TAF9: variants seen among roughly 807,000 people sequenced by gnomAD.
TAF9 encodes the protein TATA-box binding protein associated factor 9, also known as transcription initiation factor TFIID subunit 9.
TAF9 carries 10 observed loss-of-function variants against 16.5 expected under a neutral mutation model. The observed-to-expected ratio is 0.61, with a 90% CI of 0.37 to 1.03. TAF9 has a LOEUF of 1.03. Ranked by LOEUF, TAF9 falls within the 50% of genes least tolerant of loss-of-function variation. The pLI is 0.01. For synonymous variants in TAF9, 105 were observed against 120.5 expected, an observed-to-expected ratio of 0.87 and a Z score of 0.84; for missense variants, 288 against 319.1, an observed-to-expected ratio of 0.90 and a Z score of 0.74.
chr5:69,369,353 C>A (rs1762737706), intron 1 of TAF9, 110 bp downstream of exon 1: 2 of 1,251,146 alleles, frequency 1.6e-6, no homozygotes, highest in Non-Finnish European at 1.1e-6. Context: ...TGGCCCTCGG[C>A]CGGCCTCTGA....
upstream of TAF9, chr5:69,369,649 C>G (rs1416700213): frequency 1.3e-6 from 2 of 1,561,006 alleles, no homozygotes; most frequent in East Asian, 2.4e-5. Context: ...CCGCGGCCCA[C>G]TGGTTACCTG....
Position 69,365,496 on chromosome 5 carries a change from T to G in TAF9, c.242A>C (p.Gln81Pro). ...TCTTGGGGGAGGAGAGGTAAAAGAC[T>G]GATCAGCGCGGCACTGGATTGCCAA... ...VRLAIQCRADQSFTSPPPRDF... is the reference protein window; with the variant it reads ...VRLAIQCRADPSFTSPPPRDF... The change falls in exon 3 of 3, where the codon CAG becomes CCG. Residue 81 changes from glutamine to proline, a missense_variant. Gln to Pro is a moderately conservative substitution (Grantham distance 76, BLOSUM62 -1). Coordinates refer to ENST00000217893, the MANE Select transcript of TAF9 (RefSeq NM_003187.5). The G allele has an allele frequency of 6.2e-7, 1 of 1,614,108 alleles. No homozygotes were observed. The highest frequency in any genetic ancestry group is 8.5e-7 in the Non-Finnish European group (1 of 1,179,984).
intron 1 of TAF9, 169 bp downstream of exon 1, chr5:69,369,294 C>T (rs954118188): frequency 2.6e-5 from 16 of 614,572 alleles, no homozygotes; most frequent in Non-Finnish European, 3.8e-5. Flanking sequence ...TCCCTCGCCT[C>T]CCGCAACGCC....
rs1175507102 is a variant in TAF9, at chr5:69,365,473, T to C, written c.265A>G (p.Arg89Gly). ...CTTGCAATATCTAATAAAAAATCTC[T>C]TGGGGGAGGAGAGGTAAAAGACTGA... is the stretch of plus-strand genomic sequence containing the variant. ...ADQSFTSPPP[R>G]DFLLDIARQR... Residue 89 changes from arginine to glycine, a missense_variant, in exon 3 of 3, where the codon AGA (arginine) becomes GGA (glycine). Transcript: ENST00000217893. 3.1e-6 allele frequency: 5 copies of C among 1,614,154 alleles called. No homozygotes were observed. Among genetic ancestry groups the C allele is most frequent in the Non-Finnish European group, 4.2e-6 (5 of 1,180,024 alleles).
rs771375480 is a variant in TAF9 at position 69,366,583 on chromosome 5, A to T, written c.-98T>A. 1 of 1,612,830 alleles carries T rather than the reference A, an allele frequency of 6.2e-7. No individual in the cohort carries two copies. Among genetic ancestry groups the T allele is most frequent in the Non-Finnish European group, 8.5e-7 (1 of 1,179,550 alleles). On this transcript the variant is annotated 5_prime_UTR_variant, in exon 2 of 3. The change creates a new upstream start codon in the 5' untranslated region. Transcript: ENST00000217893. ...TTCTTTGCCTAGTGTGGTTTTTCCA[A>T]CCCCTGGTGTACCTGTAAGACAAGC...
rs767022180 is a variant in TAF9, at chr5:69,364,961, ATCATCATCATCATCG to A, written c.762_776del (p.Asp256_Asp260del). The A allele has an allele frequency of 3.4e-5, 54 of 1,599,580 alleles. No homozygotes were observed. Among genetic ancestry groups the A allele is most frequent in the Non-Finnish European group, 4.3e-5 (50 of 1,170,570 alleles). On this transcript the variant is annotated inframe_deletion, in exon 3 of 3. Coordinates refer to ENST00000217893, the MANE Select transcript of TAF9 (RefSeq NM_003187.5). ...GGCTAGATTACAGATTATCATAGTC[ATCATCATCATCATCG>A]TCATCATCATCATCTTCACGTTTTC...
Position 69,365,535 on chromosome 5 carries a change from G to A in TAF9, c.203C>T (p.Ala68Val). 6.2e-7 allele frequency: 1 copy of A among 1,613,856 alleles called. No homozygotes were observed. The highest frequency in any genetic ancestry group is 8.5e-7 in the Non-Finnish European group (1 of 1,179,848). ...CTGGATTGCCAATCGCACATCATCT[G>A]CATCAACAGTAGCTTTCTTAGCATG... ...SSHAKKATVDADDVRLAIQCR... is the reference protein window; with the variant it reads ...SSHAKKATVDVDDVRLAIQCR... Residue 68 changes from alanine to valine, a missense_variant, in exon 3 of 3, where the codon GCA becomes GTA. By Grantham distance (64) the Ala-to-Val change is moderately conservative. Coordinates refer to ENST00000217893, the MANE Select transcript of TAF9 (RefSeq NM_003187.5).
rs34070239 is a variant in TAF9 at position 69,367,504 on chromosome 5, C to CAAAA, written c.-110-913_-110-910dup. ...CAGCCTGGCGACAGAGACTCCATCT[C>CAAAA]AAAAAAAAAAAAAAAAAAATTAGCC... On this transcript the variant is annotated intron_variant, in intron 1 of 2. Transcript: ENST00000217893. 2.0e-4 allele frequency among the ~76,000 whole-genome samples: 19 copies of CAAAA among 94,006 alleles called. 1 individual carries two copies. The East Asian group carries it at 2.5e-3, about 13-fold the overall frequency. 61.7% of individuals were successfully genotyped at this position (94,006 alleles called of 152,430 possible).
At chr5:69,369,242 C>CCCCCCCCCCCCCCCCA in intron 1 of TAF9, 2 of 252,652 alleles carry the variant, frequency 7.9e-6, no homozygotes, top group South Asian at 1.2e-4. Context: ...CCCCGCCCCC[C>CCCCCCCCCCCCCCCCA]CCCGGAGCCT....
upstream of TAF9, chr5:69,369,710 G>C (rs1171434198): frequency 2.6e-6 from 4 of 1,551,316 alleles, no homozygotes; most frequent in Non-Finnish European, 3.5e-6. Flanking sequence ...GCATAACTCG[G>C]GTCGGTACTT....
At chr5:69,369,757 C>G, upstream of TAF9, 2 of 1,493,428 alleles carry the variant, frequency 1.3e-6, no homozygotes, top group South Asian at 1.2e-5. Context: ...AAGTCACACA[C>G]TCCTTCGGTG....
chr5:69,367,923 GGGA>G (rs1762545559), intron 1 of TAF9: 1 of 152,206 alleles, frequency 6.6e-6, no homozygotes, highest in African/African-American at 2.4e-5. Flanking sequence ...CCAGCAATTT[GGGA>G]GGAGAAGGCG....
rs753929674 is a variant in TAF9 at position 69,365,755 on chromosome 5, C to A, written c.-17-1G>T. 3.3e-6 allele frequency: 5 copies of A among 1,503,306 alleles called. No homozygotes were observed. The East Asian group carries it at 1.1e-4, about 34-fold the overall frequency. 93.1% of individuals were successfully genotyped at this position (1,503,306 alleles called of 1,614,324 possible). Reference sequence around the variant, plus strand: ...GACTCCATGATATCCGATGATCAGACTTTAGATCATTTGAAAAAAATATGT... The same window carrying A: ...GACTCCATGATATCCGATGATCAGAATTTAGATCATTTGAAAAAAATATGT... On this transcript the variant is annotated splice_acceptor_variant, in intron 2 of 2. Transcript: ENST00000217893. LOFTEE classifies it low-confidence loss of function (5UTR_SPLICE).
At chr5:69,369,715 G>C (rs758535619), upstream of TAF9, 1 of 1,550,846 alleles carries the variant, frequency 6.4e-7, no homozygotes, top group African/African-American at 1.4e-5. Flanking sequence ...ACTCGGGTCG[G>C]TACTTCGGGT....
upstream of TAF9, chr5:69,369,709 G>A (rs1427926433): frequency 1.9e-6 from 3 of 1,551,608 alleles, no homozygotes; most frequent in Non-Finnish European, 2.6e-6. Flanking sequence ...GGCATAACTC[G>A]GGTCGGTACT....
intron 1 of TAF9, chr5:69,369,242 C>CCCCCCCCCCCCCCCCCCCCCCCCCA: frequency 4.0e-6 from 1 of 252,652 alleles, no homozygotes; most frequent in Non-Finnish European, 7.4e-6. Flanking sequence ...CCCCGCCCCC[C>CCCCCCCCCCCCCCCCCCCCCCCCCA]CCCGGAGCCT....
At chr5:69,369,402 C>G in intron 1 of TAF9, 61 bp downstream of exon 1, 1 of 1,591,316 alleles carries the variant, frequency 6.3e-7, no homozygotes, top group Non-Finnish European at 8.6e-7. Flanking sequence ...CGCCCGATGC[C>G]CAGAGCACTC....
At chr5:69,366,699 G>A (rs994926775) in intron 1 of TAF9, 104 bp from the exon 2 acceptor site, 5 of 805,616 alleles carry the variant, frequency 6.2e-6, no homozygotes, top group African/African-American at 5.2e-5. Flanking sequence ...GTCTCACCTG[G>A]CCTCTGCCCT....
Position 69,365,462 on chromosome 5 carries a change from T to C in TAF9, c.276A>G (p.Leu92=). Residue 92 remains leucine, a synonymous_variant, in exon 3 of 3, where the codon TTA becomes TTG. Transcript: ENST00000217893. Reference sequence around the variant, plus strand: ...GATTTCTTTGCCTTGCAATATCTAATAAAAAATCTCTTGGGGGAGGAGAGG... The same window carrying C: ...GATTTCTTTGCCTTGCAATATCTAACAAAAAATCTCTTGGGGGAGGAGAGG... ...SFTSPPPRDF[L]LDIARQRNQT... The C allele has an allele frequency of 1.2e-6, 2 of 1,614,170 alleles. No homozygotes were observed. Among genetic ancestry groups the C allele is most frequent in the South Asian group, 1.1e-5 (1 of 91,080 alleles).
Sources: allele counts gnomAD v4.1 joint callset (sites outside exome capture counted in the v4.1 genomes callset), GRCh38; gene constraint gnomAD v4.1.1; transcripts MANE v1.5; gene names NCBI Gene and HGNC (gene_info 2026-07-23, HGNC 2026-07-21).